The following TDRD5 variants were observed in gnomAD, a reference collection of about 807,000 sequenced individuals.
The protein encoded by TDRD5 is tudor domain-containing protein 5.
TDRD5 carries 41 observed loss-of-function variants against 120.6 expected under a neutral mutation model. The ratio of observed to expected loss-of-function variants is 0.34; its 90% confidence interval spans 0.26 to 0.44. The LOEUF (loss-of-function observed/expected upper bound fraction) is 0.44, where lower values mean the gene tolerates loss of function less well. Among genes scored for constraint, TDRD5 ranks in the 20% least tolerant of loss-of-function variants. TDRD5 has a pLI of 1.00. For missense variants in TDRD5, 1,006 were observed against 1,221.2 expected (o/e 0.82, Z 2.63); for synonymous variants, 430 against 433.7 (o/e 0.99, Z 0.11).
rs760102745 is a variant in TDRD5, at chr1:179,690,697, G to A, written c.2862G>A (p.Val954=). ...GTTTGTGTACTCTTTCTTTTCCAGT[G>A]GAAAGCTCACCAGAGATCCTAAAGA... The part of the protein sequence containing the change: ...DDSAEKPSGS[V]ESSPEILKNE... The change falls in exon 18 of 18, where the codon GTG becomes GTA. Residue 954 remains valine, a splice_region_variant and synonymous_variant. Transcript: ENST00000444136. The A allele has an allele frequency of 8.7e-6, 14 of 1,612,748 alleles. No homozygotes were observed. In the South Asian group the frequency reaches 1.2e-4, roughly 14 times the overall value.
At chr1:179,606,984 AGAT>A (rs143168306) in intron 4 of TDRD5, among the ~76,000 whole-genome samples, 1,587 of 152,194 alleles carry the variant, frequency 0.01, 30 homozygotes, top group African/African-American at 0.035. Flanking sequence ...TTACTTGCTG[AGAT>A]TTTGTTTGGG....
chr1:179,618,834 C>T, intron 5 of TDRD5, 152 bp downstream of exon 5: 1 of 525,500 alleles, frequency 1.9e-6, no homozygotes, highest in Non-Finnish European at 3.1e-6. Context: ...GAAAAAGAAA[C>T]AAAATACGTA....
At chr1:179,642,108 T>C (rs970061548) in intron 11 of TDRD5, among the ~76,000 whole-genome samples, 1 of 65,486 alleles carries the variant, frequency 1.5e-5, no homozygotes, top group Non-Finnish European at 3.7e-5. Context: ...TTTCTTTTCT[T>C]TTTTTTTTTG....
chr1:179,646,598 G>C (rs963751372), intron 11 of TDRD5, among the ~76,000 whole-genome samples: 3 of 147,896 alleles, frequency 2.0e-5, no homozygotes, highest in Non-Finnish European at 3.0e-5. Context: ...TGGAAGTTCC[G>C]GCCAGGGCAA....
intron 17 of TDRD5, among the ~76,000 whole-genome samples, chr1:179,672,797 T>A (rs1278314151): frequency 6.6e-6 from 1 of 152,226 alleles, no homozygotes; most frequent in Non-Finnish European, 1.5e-5. Context: ...AGGATCTAAT[T>A]TCATTTTTCT....
chr1:179,630,671 C>A (rs1025393762), intron 6 of TDRD5, 96 bp from the exon 7 acceptor site: 2 of 1,284,338 alleles, frequency 1.6e-6, no homozygotes, highest in Non-Finnish European at 1.1e-6. Context: ...GTTCATTGAC[C>A]CTTTAAGATT....
Position 179,634,590 on chromosome 1 carries a change from T to C in TDRD5, c.1260T>C (p.Ile420=). The C allele has an allele frequency of 1.2e-6, 2 of 1,613,892 alleles. No individual in the cohort carries two copies. Among genetic ancestry groups the C allele is most frequent in the Middle Eastern group, 1.6e-4 (1 of 6,062 alleles). ...SKKQKEPQQK[I]CKKPNLVVKP... is the part of the protein sequence containing the mutation. Reference sequence around the variant, plus strand: ...AACAAAAAGAGCCACAACAGAAGATTTGCAAGAAGCCTAATCTGGTGGTAA... The same window carrying C: ...AACAAAAAGAGCCACAACAGAAGATCTGCAAGAAGCCTAATCTGGTGGTAA... Residue 420 remains isoleucine, a synonymous_variant, in exon 8 of 18, where the codon ATT becomes ATC. Coordinates refer to ENST00000444136, the MANE Select transcript of TDRD5 (RefSeq NM_001199085.3).
chr1:179,610,882 A>G (rs1676238402), intron 4 of TDRD5, among the ~76,000 whole-genome samples: 2 of 152,098 alleles, frequency 1.3e-5, no homozygotes, highest in South Asian at 4.1e-4. Context: ...TCTTAGAATT[A>G]AGTTTAAAAT....
chr1:179,675,769 G>A (rs984755539), intron 17 of TDRD5, among the ~76,000 whole-genome samples: 2 of 152,144 alleles, frequency 1.3e-5, no homozygotes, highest in African/African-American at 4.8e-5. Context: ...ACTGAGGCTT[G>A]TTTTGTGGCC....
chr1:179,635,929 TAAATC>T (rs1404166092), intron 9 of TDRD5, 42 bp downstream of exon 9: 1 of 1,570,278 alleles, frequency 6.4e-7, no homozygotes. Context: ...ACATGTCTCT[TAAATC>T]AACAGTTCTC....
At position 179,634,481 on chromosome 1, in the gene TDRD5, C is replaced by G; in HGVS notation, c.1151C>G (p.Ala384Gly). Residue 384 changes from alanine to glycine, a missense_variant, in exon 8 of 18, where the codon GCC becomes GGC. Ala to Gly is a moderately conservative substitution (Grantham distance 60, BLOSUM62 0). This residue lies in a region of TDRD5 where 445 missense variants were observed against 515.5 expected (regional missense o/e 0.86). Coordinates refer to ENST00000444136, the MANE Select transcript of TDRD5 (RefSeq NM_001199085.3). Reference protein sequence around the residue: ...PPVQSDKKIEAKACVSSPPRN... With the variant: ...PPVQSDKKIEGKACVSSPPRN... The stretch of plus-strand genomic sequence containing the variant: ...GTTCAGTCAGATAAGAAAATAGAAG[C>G]CAAAGCTTGTGTCTCCAGTCCACCT... The G allele has an allele frequency of 6.2e-7, 1 of 1,601,844 alleles. No homozygotes were observed. Among genetic ancestry groups the G allele is most frequent in the Non-Finnish European group, 8.5e-7 (1 of 1,177,222 alleles).
chr1:179,625,963 A>G (rs1677101844), intron 6 of TDRD5, among the ~76,000 whole-genome samples: 2 of 152,128 alleles, frequency 1.3e-5, no homozygotes, highest in Admixed American at 6.5e-5. Flanking sequence ...CCATCGCAAG[A>G]ACAAAAAACC....
At chr1:179,650,379 C>A (rs1678644659) in intron 11 of TDRD5, among the ~76,000 whole-genome samples, 1 of 120,606 alleles carries the variant, frequency 8.3e-6, no homozygotes, top group Non-Finnish European at 1.6e-5. Context: ...CCAGCCTGGG[C>A]AACAGAGCAA....
At chr1:179,593,356 A>G in intron 2 of TDRD5, 104 bp from the exon 3 acceptor site, 1 of 1,278,792 alleles carries the variant, frequency 7.8e-7, no homozygotes, top group Non-Finnish European at 1.1e-6. Flanking sequence ...CTGCCTGGAT[A>G]AACAGCTCCT....
intron 4 of TDRD5, among the ~76,000 whole-genome samples, chr1:179,608,280 C>A (rs1000911397): frequency 6.6e-6 from 1 of 151,848 alleles, no homozygotes; most frequent in African/African-American, 2.4e-5. Context: ...TTTTTTTCTG[C>A]ATGAGATTCA....
chr1:179,663,734 A>G (rs1463342562), intron 16 of TDRD5, among the ~76,000 whole-genome samples: 2 of 152,330 alleles, frequency 1.3e-5, no homozygotes, highest in East Asian at 3.9e-4. Flanking sequence ...ACATATACAT[A>G]AAATATATGT....
intron 11 of TDRD5, among the ~76,000 whole-genome samples, chr1:179,643,131 C>G (rs140094742): frequency 0.011 from 1,677 of 152,188 alleles, 19 homozygotes; most frequent in Non-Finnish European, 0.013. Flanking sequence ...GTGAAAAAAT[C>G]AACAGTTGGC....
chr1:179,626,185 C>T (rs1433415984), intron 6 of TDRD5, among the ~76,000 whole-genome samples: 1 of 151,494 alleles, frequency 6.6e-6, no homozygotes, highest in Non-Finnish European at 1.5e-5. Context: ...GCACAATGTG[C>T]ACATGTACCC....
At chr1:179,629,950 C>A (rs971260038) in intron 6 of TDRD5, among the ~76,000 whole-genome samples, 1 of 151,546 alleles carries the variant, frequency 6.6e-6, no homozygotes, top group African/African-American at 2.4e-5. Context: ...ATGGGAAATA[C>A]ACCGATAGAT....
Sources: gnomAD v4.1 joint callset for allele counts (sites outside exome capture counted in the v4.1 genomes callset) on GRCh38, gnomAD v4.1.1 for gene constraint, gnomAD v4.1.1 regional missense constraint, MANE v1.5 for transcripts, NCBI Gene and HGNC (gene_info 2026-07-23, HGNC 2026-07-21) for gene names.